MSH3: variants seen among roughly 807,000 people sequenced by gnomAD.
The protein encoded by MSH3 is DNA mismatch repair protein Msh3.
In MSH3, 106 loss-of-function variants were observed where a neutral mutation model predicts 123.3. That is an observed-to-expected ratio of 0.86 (90% CI 0.73 to 1.01). The LOEUF (loss-of-function observed/expected upper bound fraction) is 1.01, where lower values mean the gene tolerates loss of function less well. Ranked by LOEUF, MSH3 falls within the 50% of genes least tolerant of loss-of-function variation. MSH3 has a pLI of 0.00. For missense variants in MSH3, 1,459 were observed against 1,347.6 expected (o/e 1.08, Z -1.29); for synonymous variants, 515 against 481.4 (o/e 1.07, Z -0.91).
chr5:80,862,272 T>C lies in MSH3; in HGVS notation c.3001-2541T>C, dbSNP rs141104208. On this transcript the variant is annotated intron_variant, in intron 21 of 23. Transcript: ENST00000265081. ...TAAAGAAATCCTGCCTTAATACGTT[T>C]ATTTGTTATTGTTATCAGAAAGAAG... Among the ~76,000 whole-genome samples the C allele has an allele frequency of 1.9e-4, 29 of 152,250 alleles. 1 individual carries two copies. The East Asian group carries it at 5.6e-3, about 30-fold the overall frequency.
intron 20 of MSH3, among the ~76,000 whole-genome samples, chr5:80,848,033 C>A (rs1393233998): frequency 6.6e-6 from 1 of 152,106 alleles, no homozygotes; most frequent in Non-Finnish European, 1.5e-5. Context: ...GGTGTTGTGA[C>A]CAGCCTGGGC....
intron 12 of MSH3, among the ~76,000 whole-genome samples, chr5:80,745,300 G>A (rs1743696261): frequency 6.6e-6 from 1 of 152,186 alleles, no homozygotes; most frequent in Non-Finnish European, 1.5e-5. Context: ...TTACCCAGAT[G>A]ATTCTGATAT....
intron 20 of MSH3, among the ~76,000 whole-genome samples, chr5:80,849,135 G>A (rs1229092736): frequency 6.6e-6 from 1 of 152,136 alleles, no homozygotes; most frequent in Non-Finnish European, 1.5e-5. Flanking sequence ...GCTCCAAAAT[G>A]GTATCTTTTG....
intron 12 of MSH3, among the ~76,000 whole-genome samples, chr5:80,752,680 G>A (rs1048694429): frequency 9.2e-5 from 14 of 152,104 alleles, no homozygotes; most frequent in African/African-American, 3.4e-4. Flanking sequence ...GATTAGTGTG[G>A]TTCCTCATAG....
intron 8 of MSH3, among the ~76,000 whole-genome samples, chr5:80,691,675 ATAAG>A (rs955614950): frequency 6.0e-5 from 9 of 150,630 alleles, no homozygotes; most frequent in Non-Finnish European, 7.4e-5. Flanking sequence ...AGGGCCAATA[ATAAG>A]TAAGACAGCA....
At chr5:80,688,157 T>C (rs1308639008) in intron 8 of MSH3, among the ~76,000 whole-genome samples, 1 of 152,186 alleles carries the variant, frequency 6.6e-6, no homozygotes, top group East Asian at 1.9e-4. Context: ...GAAAAAGACA[T>C]GTGGAAGAAT....
chr5:80,864,558 T>C (rs1165327400), intron 21 of MSH3, among the ~76,000 whole-genome samples: 1 of 152,104 alleles, frequency 6.6e-6, no homozygotes, highest in East Asian at 1.9e-4. Flanking sequence ...AGTGATGAAG[T>C]GTCATGATGT....
chr5:80,757,923 C>T (rs1396311822), intron 12 of MSH3, among the ~76,000 whole-genome samples: 3 of 152,158 alleles, frequency 2.0e-5, no homozygotes, highest in African/African-American at 7.2e-5. Flanking sequence ...TATTTCCATT[C>T]TGATCTTCGT....
intron 9 of MSH3, among the ~76,000 whole-genome samples, chr5:80,725,949 C>T (rs569849280): frequency 6.6e-6 from 1 of 152,264 alleles, no homozygotes; most frequent in South Asian, 2.1e-4. Context: ...GAGTTTTGAC[C>T]ATCTTTCCTT....
At chr5:80,755,232 T>A (rs1743905114) in intron 12 of MSH3, among the ~76,000 whole-genome samples, 1 of 152,200 alleles carries the variant, frequency 6.6e-6, no homozygotes, top group Admixed American at 6.5e-5. Context: ...TCTTACTGTT[T>A]GTCCCGACTG....
At chr5:80,790,392 T>TA (rs1744587620) in intron 18 of MSH3, among the ~76,000 whole-genome samples, 1 of 152,172 alleles carries the variant, frequency 6.6e-6, no homozygotes, top group Non-Finnish European at 1.5e-5. Context: ...GAGTAAAACT[T>TA]ACTCTGTCTT....
chr5:80,756,485 C>G (rs1306404858), intron 12 of MSH3, among the ~76,000 whole-genome samples: 1 of 152,090 alleles, frequency 6.6e-6, no homozygotes, highest in African/African-American at 2.4e-5. Flanking sequence ...ATCACATTTT[C>G]AAACCTTCAC....
chr5:80,776,936 T>A (rs1369850228), intron 16 of MSH3, among the ~76,000 whole-genome samples: 2 of 146,980 alleles, frequency 1.4e-5, no homozygotes, highest in African/African-American at 4.9e-5. Flanking sequence ...ATATTTTTTT[T>A]TTTTCTTTTT....
At chr5:80,774,480 A>G (rs1041591412) in intron 15 of MSH3, among the ~76,000 whole-genome samples, 1 of 152,154 alleles carries the variant, frequency 6.6e-6, no homozygotes, top group Middle Eastern at 3.2e-3. Context: ...AAAGAAAGGT[A>G]ATTAGTATAT....
intron 19 of MSH3, among the ~76,000 whole-genome samples, chr5:80,801,537 C>T (rs1236850201): frequency 6.6e-6 from 1 of 152,186 alleles, no homozygotes; most frequent in Non-Finnish European, 1.5e-5. Flanking sequence ...GTTAGTTCTT[C>T]TTTGACATCC....
chr5:80,690,081 A>AT (rs1750192853), intron 8 of MSH3, among the ~76,000 whole-genome samples: 1 of 152,004 alleles, frequency 6.6e-6, no homozygotes, highest in Non-Finnish European at 1.5e-5. Context: ...CTTACAGCTA[A>AT]TTTTTTAAAA....
chr5:80,828,038 C>G (rs918325341), intron 20 of MSH3, among the ~76,000 whole-genome samples: 1 of 152,262 alleles, frequency 6.6e-6, no homozygotes, highest in East Asian at 1.9e-4. Flanking sequence ...CCCTTTCTTA[C>G]AATTGATGAA....
At chr5:80,766,655 T>TTTTAAACA (rs147910722) in intron 13 of MSH3, among the ~76,000 whole-genome samples, 2,476 of 152,234 alleles carry the variant, frequency 0.016, 62 homozygotes, top group African/African-American at 0.056. Context: ...TTTTATGCCG[T>TTTTAAACA]TTTAAACAAT....
At chr5:80,869,841 T>TATACACACACACAC (rs376147429) in intron 22 of MSH3, among the ~76,000 whole-genome samples, 1 of 132,524 alleles carries the variant, frequency 7.5e-6, no homozygotes, top group Non-Finnish European at 1.6e-5. Flanking sequence ...TACATATATA[T>TATACACACACACAC]ACACACACAC....
Sources: allele counts gnomAD v4.1 joint callset (sites outside exome capture counted in the v4.1 genomes callset), GRCh38; gene constraint gnomAD v4.1.1; transcripts MANE v1.5; gene names NCBI Gene and HGNC (gene_info 2026-07-23, HGNC 2026-07-21).